The following SETD1B variants were observed in gnomAD, a reference collection of about 807,000 sequenced individuals.
SETD1B encodes the protein histone-lysine N-methyltransferase SETD1B.
SETD1B carries 7 observed loss-of-function variants against 148.0 expected under a neutral mutation model. The observed-to-expected ratio is 0.05, with a 90% confidence interval of 0.03 to 0.09. SETD1B has a LOEUF of 0.09. Among genes scored for constraint, SETD1B ranks in the 10% least tolerant of loss-of-function variants. The probability of loss-of-function intolerance (pLI) is 1.00; values close to 1 mark genes in which losing one functional copy is unlikely to be tolerated. For synonymous variants in SETD1B, 1,361 were observed against 1,186.5 expected (o/e 1.15, Z -3.02); for missense variants, 2,155 against 2,729.9 (o/e 0.79, Z 4.69).
Position 121,827,938 on chromosome 12 carries a change from C to T in SETD1B, c.5595C>T (p.Ile1865=), listed in dbSNP as rs544403346. The T allele has an allele frequency of 9.5e-5, 147 of 1,552,048 alleles. No homozygotes were observed. The highest frequency in any genetic ancestry group is 1.2e-4 in the Non-Finnish European group (140 of 1,147,114). The change falls in exon 16 of 17, where the codon ATC becomes ATT. Residue 1865 remains isoleucine, a synonymous_variant. Coordinates refer to ENST00000604567, the MANE Select transcript of SETD1B (RefSeq NM_001353345.2). The part of the protein sequence containing the change: ...EYVGQNIRQV[I]ADMREKRYED... ...TGACCCCCTTTTGTGGCCAGGTGAT[C>T]GCAGACATGCGGGAGAAGCGTTATG...
chr12:121,795,897 G>A, the SETD1B span: 242 of 152,702 alleles, frequency 1.6e-3, no homozygotes, highest in African/African-American at 5.7e-3. Flanking sequence ...AAGTGGAGGC[G>A]GGAAATAAGC....
At chr12:121,794,022 G>A in the SETD1B span, 1,878 of 174,304 alleles carry the variant, frequency 0.011, 33 homozygotes, top group African/African-American at 0.042. Flanking sequence ...ATTGGCTGGC[G>A]CGGCCAGACA....
chr12:121,816,874 T>TG (rs1876314905), intron 7 of SETD1B, among the ~76,000 whole-genome samples, 159 bp from the exon 8 acceptor site: 1 of 152,204 alleles, frequency 6.6e-6, no homozygotes, highest in African/African-American at 2.4e-5. Context: ...TAGAGCCTCG[T>TG]GGGTAACGGC....
rs779982934 is a variant in SETD1B at position 121,810,307 on chromosome 12, G to T, written c.1362G>T (p.Pro454=). The T allele has an allele frequency of 2.9e-5, 44 of 1,542,744 alleles. No individual in the cohort carries two copies. In the African/African-American group the frequency reaches 5.5e-4, roughly 19 times the overall value. ...AKEKPGTPPG[P]PPPDTNSMEL... is the part of the protein sequence containing the mutation. ...AGAAGCCAGGCACGCCACCCGGCCC[G>T]CCGCCCCCCGACACCAACAGCATGG... Residue 454 remains proline (P), a synonymous_variant, in exon 6 of 17, where the codon CCG becomes CCT. Coordinates refer to ENST00000604567, the MANE Select transcript of SETD1B (RefSeq NM_001353345.2). The surrounding 1 kb of genome is among the most constrained non-coding windows in gnomAD (Gnocchi z 7.6).
chr12:121,794,355 C>G, the SETD1B span: 2 of 152,410 alleles, frequency 1.3e-5, no homozygotes, highest in Non-Finnish European at 2.9e-5. Flanking sequence ...GGGCAATCGC[C>G]TCGGCGCCGG....
Position 121,810,151 on chromosome 12 carries a change from C to A in SETD1B, c.1206C>A (p.Thr402=), listed in dbSNP as rs1009139835. The change falls in exon 6 of 17, where the codon ACC becomes ACA. Residue 402 remains threonine, a synonymous_variant. Coordinates refer to ENST00000604567, the MANE Select transcript of SETD1B (RefSeq NM_001353345.2). The surrounding 1 kb of genome is among the most constrained non-coding windows in gnomAD (Gnocchi z 7.6). The part of the protein sequence containing the change: ...GFKSAFSPYQ[T]PVAHFPPPPE... ...AGTCTGCTTTCTCTCCGTATCAGAC[C>A]CCAGTGGCCCACTTCCCTCCACCCC... The A allele has an allele frequency of 1.9e-6, 3 of 1,549,896 alleles. No homozygotes were observed. Among genetic ancestry groups the A allele is most frequent in the African/African-American group, 2.7e-5 (2 of 73,036 alleles).
rs533339565 is a variant in SETD1B, at chr12:121,829,952, G to A, written c.5728-114G>A. The A allele has an allele frequency of 1.3e-5, 12 of 932,234 alleles. No homozygotes were observed. In the East Asian group the frequency reaches 2.1e-4, roughly 17 times the overall value. 57.7% of individuals were successfully genotyped at this position (932,234 alleles called of 1,614,324 possible). A position where few individuals can be genotyped will look rare whatever the true frequency, so the allele number is the denominator to read the frequency against. Reference sequence around the variant, plus strand: ...GGTCCAGAGCAGAGCAGTGGGCTGGGGGTCACGTGGCATGTCAGGCCTTAA... The same window carrying A: ...GGTCCAGAGCAGAGCAGTGGGCTGGAGGTCACGTGGCATGTCAGGCCTTAA... On this transcript the variant is annotated intron_variant, in intron 16 of 16. Transcript: ENST00000604567.
chr12:121,823,176 G>C lies in SETD1B; in HGVS notation c.4597G>C (p.Asp1533His), dbSNP rs1302845307. ...ATCCCCACCATCTATGCTCTCCTTGGATGGGCCCTTGGTCCGACCACCAGC... is the reference window on the plus strand; with the variant it reads ...ATCCCCACCATCTATGCTCTCCTTGCATGGGCCCTTGGTCCGACCACCAGC... ...RRSPPSMLSL[D>H]GPLVRPPAGA... Residue 1533 changes from aspartate (D) to histidine (H), a missense_variant, in exon 12 of 17, where the codon GAT (aspartate) becomes CAT (histidine). Transcript: ENST00000604567. 6.5e-7 allele frequency: 1 copy of C among 1,546,434 alleles called. No individual in the cohort carries two copies. Among genetic ancestry groups the C allele is most frequent in the Admixed American group, 2.0e-5 (1 of 50,884 alleles).
chr12:121,804,748 G>A lies in SETD1B; in HGVS notation c.11G>A (p.Ser4Asn), dbSNP rs1460732622. The change falls in exon 2 of 17, where the codon AGT becomes AAT. Residue 4 changes from serine (S) to asparagine (N), a missense_variant. Physicochemically the swap from Ser to Asn is conservative, Grantham distance 46 (BLOSUM62 1). This residue lies in a region of SETD1B where 36 missense variants were observed against 23.5 expected (regional missense o/e 1.53). Transcript: ENST00000604567. This position sits in a 1 kb window ranked among gnomAD's most constrained non-coding sequence, Gnocchi z 4.6. ...GGTTGGGTTAACGGCATGGAGAACAGTCACCCCCCCCACCACCACCACCAG... is the reference window on the plus strand; with the variant it reads ...GGTTGGGTTAACGGCATGGAGAACAATCACCCCCCCCACCACCACCACCAG... MEN[S>N]HPPHHHHQQP... The A allele has an allele frequency of 6.5e-7, 1 of 1,550,054 alleles. No individual in the cohort carries two copies. Among genetic ancestry groups the A allele is most frequent in the Non-Finnish European group, 8.7e-7 (1 of 1,146,624 alleles).
chr12:121,797,909 A>G, the SETD1B span: 3 of 325,358 alleles, frequency 9.2e-6, no homozygotes, highest in East Asian at 2.7e-4. Context: ...GGCAGCGGGG[A>G]GTCTGGGCAG....
At chr12:121,803,196 G>T (rs576747621), upstream of SETD1B, 1 of 141,542 alleles carries the variant, frequency 7.1e-6, no homozygotes, top group Non-Finnish European at 1.5e-5. This position sits in a 1 kb window ranked among gnomAD's most constrained non-coding sequence, Gnocchi z 4.7. Context: ...GAGCCTCGGA[G>T]TTGAACTCAC....
intron 4 of SETD1B, 134 bp downstream of exon 4, chr12:121,806,239 C>G (rs1007381529): frequency 1.0e-6 from 1 of 987,350 alleles, no homozygotes; most frequent in African/African-American, 1.6e-5. Flanking sequence ...TTTCTTAGCC[C>G]CCTCCTGAGG....
chr12:121,807,561 T>G (rs1875808221), intron 4 of SETD1B, among the ~76,000 whole-genome samples: 1 of 151,772 alleles, frequency 6.6e-6, no homozygotes, highest in South Asian at 2.1e-4. Flanking sequence ...TCCAGGAACG[T>G]GTCTTTTTTG....
At chr12:121,812,574 TGGAGCGCAGGA>T (rs1264417279) in intron 6 of SETD1B, among the ~76,000 whole-genome samples, 1 of 152,006 alleles carries the variant, frequency 6.6e-6, no homozygotes, top group Non-Finnish European at 1.5e-5. Flanking sequence ...CGGCCGGGGC[TGGAGCGCAGGA>T]TCTGCCTCCC....
intron 13 of SETD1B, 151 bp from the exon 14 acceptor site, chr12:121,827,368 C>A: frequency 1.1e-6 from 1 of 893,128 alleles, no homozygotes; most frequent in Non-Finnish European, 1.6e-6. Flanking sequence ...ATGGAGGAGG[C>A]AGGGAAGCGG....
intron 16 of SETD1B, 76 bp from the exon 17 acceptor site, chr12:121,829,990 T>G: frequency 1.4e-6 from 2 of 1,385,306 alleles, no homozygotes; most frequent in Non-Finnish European, 2.0e-6. Context: ...ACAGGCCTGG[T>G]TGGGTTTGGG....
chr12:121,830,303 G>C lies in SETD1B; in HGVS notation c.*64G>C, dbSNP rs1252834836. ...TGGGACTCCCGAGCGTGGAGCCCCT[G>C]GCCCCGGGGCCCGGCCCCCCGCGCC... On this transcript the variant is annotated 3_prime_UTR_variant, in exon 17 of 17. Transcript: ENST00000604567. This position sits in a 1 kb window ranked among gnomAD's most constrained non-coding sequence, Gnocchi z 5.7. 1 of 1,475,932 alleles carries C rather than the reference G, an allele frequency of 6.8e-7. No homozygotes were observed. The highest frequency in any genetic ancestry group is 9.1e-7 in the Non-Finnish European group (1 of 1,102,558). 91.4% of individuals were successfully genotyped at this position (1,475,932 alleles called of 1,614,324 possible). A position where few individuals can be genotyped will look rare whatever the true frequency, so the allele number is the denominator to read the frequency against.
the SETD1B span, among the ~76,000 whole-genome samples, chr12:121,794,701 A>T: frequency 6.7e-6 from 1 of 150,312 alleles, no homozygotes; most frequent in Non-Finnish European, 1.5e-5. Context: ...CGTAACCCCC[A>T]CCCCTCCTCT....
rs377386338 is a variant in SETD1B, at chr12:121,819,773, C to T, written c.3788C>T (p.Ala1263Val). Residue 1263 changes from alanine (A) to valine (V), a missense_variant, in exon 11 of 17, where the codon GCG becomes GTG. Around this residue, in one of 11 missense-constraint regions of SETD1B, gnomAD observed 862 missense variants for 873.8 expected, o/e 0.99. Coordinates refer to ENST00000604567, the MANE Select transcript of SETD1B (RefSeq NM_001353345.2). Reference sequence around the variant, plus strand: ...TTGCCTGTGGGTGTTGAAGAGCCAGCGGACTCCAGGGAGCCGCCTGAGGAA... The same window carrying T: ...TTGCCTGTGGGTGTTGAAGAGCCAGTGGACTCCAGGGAGCCGCCTGAGGAA... ...PPLPVGVEEP[A>V]DSREPPEEPG... is the part of the protein sequence containing the mutation. 30 of 1,551,414 alleles carry T rather than the reference C, an allele frequency of 1.9e-5. No homozygotes were observed. Among genetic ancestry groups the T allele is most frequent in the African/African-American group, 1.6e-4 (12 of 72,994 alleles).
Sources: gnomAD v4.1 joint callset for allele counts (sites outside exome capture counted in the v4.1 genomes callset) on GRCh38, gnomAD v4.1.1 for gene constraint, gnomAD v4.1.1 regional missense constraint, Gnocchi (gnomAD v3.1) non-coding constraint, MANE v1.5 for transcripts, NCBI Gene and HGNC (gene_info 2026-07-23, HGNC 2026-07-21) for gene names.